Variants in OTP observed in about 807,000 individuals in gnomAD.
The protein encoded by OTP is orthopedia homeobox.
A neutral mutation model predicts 22.3 loss-of-function variants in OTP; 5 were observed. The ratio of observed to expected loss-of-function variants is 0.22; its 90% CI spans 0.12 to 0.47. OTP has a LOEUF of 0.47. Ranked by LOEUF, OTP falls within the 20% of genes least tolerant of loss-of-function variation. The probability of loss-of-function intolerance (pLI) is 0.99; values close to 1 mark genes in which losing one functional copy is unlikely to be tolerated. For synonymous variants in OTP, 229 were observed against 210.6 expected, an observed-to-expected ratio of 1.09 and a Z score of -0.76; for missense variants, 428 against 456.2, an observed-to-expected ratio of 0.94 and a Z score of 0.56.
chr5:77,638,555 A>AAC lies in OTP; in HGVS notation c.-7_-6insGT. ...AGGTCGGCATGAGACAGCATCGCGC[A>AAC]CCGCTCCAGGGCGAAAGCTGTTCCC... On this transcript the variant is annotated 5_prime_UTR_variant, in exon 1 of 3. Coordinates refer to ENST00000306422, the MANE Select transcript of OTP (RefSeq NM_032109.3). 2 of 1,567,098 alleles carry AAC rather than the reference A, an allele frequency of 1.3e-6. No homozygotes were observed. Among genetic ancestry groups the AAC allele is most frequent in the Non-Finnish European group, 1.7e-6 (2 of 1,160,604 alleles).
In OTP at chr5:77,638,503, G is replaced by A. The variant is rs1174393762; in HGVS notation, c.37+10C>T. ...TCTCCTGGCTGCCCGGGCGAGAGGC[G>A]CGCACTCACCTAGCCTGGCGTCCAG... On this transcript the variant is annotated intron_variant, in intron 1 of 2. Coordinates refer to ENST00000306422, the MANE Select transcript of OTP (RefSeq NM_032109.3). 1 of 1,572,542 alleles carries A rather than the reference G, an allele frequency of 6.4e-7. No individual in the cohort carries two copies. The highest frequency in any genetic ancestry group is 8.6e-7 in the Non-Finnish European group (1 of 1,158,486).
At chr5:77,636,665 T>C in intron 2 of OTP, 156 bp downstream of exon 2, 2 of 688,326 alleles carry the variant, frequency 2.9e-6, no homozygotes, top group Non-Finnish European at 2.4e-6. Flanking sequence ...TGGGGACCAG[T>C]TTCCGGGTAG....
intron 1 of OTP, among the ~76,000 whole-genome samples, chr5:77,638,127 T>C (rs1213740250): frequency 1.4e-5 from 2 of 144,750 alleles, no homozygotes; most frequent in Admixed American, 7.0e-5. Context: ...GAGAAGAAGA[T>C]GGTGGGGAGA....
chr5:77,631,555 T>C (rs960257455), intron 2 of OTP, among the ~76,000 whole-genome samples: 6 of 137,336 alleles, frequency 4.4e-5, no homozygotes, highest in Admixed American at 2.9e-4. Flanking sequence ...CCTATTCTTT[T>C]TTTTTTTTTT....
At chr5:77,632,665 AC>A in intron 2 of OTP, among the ~76,000 whole-genome samples, 1 of 151,966 alleles carries the variant, frequency 6.6e-6, no homozygotes. Flanking sequence ...TCGCCTTTCT[AC>A]CGTGCCTGCG....
At chr5:77,637,923 A>G (rs961837597) in intron 1 of OTP, among the ~76,000 whole-genome samples, 4 of 152,224 alleles carry the variant, frequency 2.6e-5, no homozygotes, top group Non-Finnish European at 4.4e-5. Context: ...TTTTCTTTCC[A>G]GAGAAATAAA....
At chr5:77,637,282 G>A (rs1334214654) in intron 1 of OTP, 52 bp from the exon 2 acceptor site, 3 of 1,454,060 alleles carry the variant, frequency 2.1e-6, no homozygotes, top group East Asian at 5.0e-5. Context: ...TGCCAGGAGG[G>A]GCTGTCTTCC....
chr5:77,637,982 G>C (rs577536917), intron 1 of OTP, among the ~76,000 whole-genome samples: 8 of 152,166 alleles, frequency 5.3e-5, no homozygotes, highest in East Asian at 1.9e-4. Context: ...TTGCAGAAGA[G>C]GGGGGGATGA....
In OTP at chr5:77,638,633, A is replaced by T; in HGVS notation, c.-84T>A. The T allele has an allele frequency of 7.6e-7, 1 of 1,308,640 alleles. No homozygotes were observed. Among genetic ancestry groups the T allele is most frequent in the South Asian group, 1.5e-5 (1 of 65,608 alleles). The allele number at this position is 1,308,640 out of a possible 1,614,324, so 81.1% of individuals were successfully genotyped here. On this transcript the variant is annotated 5_prime_UTR_variant, in exon 1 of 3. The change creates a premature stop within an existing upstream ORF in the 5' untranslated region. Coordinates refer to ENST00000306422, the MANE Select transcript of OTP (RefSeq NM_032109.3). ...TTAAAATAGATATAAGCTATAAGCT[A>T]TACGATATAGATATATATAGATCAC...
chr5:77,630,377 C>A lies in OTP; in HGVS notation c.865G>T (p.Gly289Cys). ...ASLPGPSNVS[G>C]SPQLCSSPDS... ...GGGGAGCTGCAGAGCTGGGGCGAACCGGAGACGTTGCTGGGGCCGGGGAGG... is the reference window on the plus strand; with the variant it reads ...GGGGAGCTGCAGAGCTGGGGCGAACAGGAGACGTTGCTGGGGCCGGGGAGG... Residue 289 changes from glycine to cysteine, a missense_variant, in exon 3 of 3, where the codon GGT becomes TGT. By Grantham distance (159) the Gly-to-Cys change is radical. This residue lies in a region of OTP where 236 missense variants were observed against 238.1 expected (regional missense o/e 0.99). Coordinates refer to ENST00000306422, the MANE Select transcript of OTP (RefSeq NM_032109.3). 1 of 1,578,078 alleles carries A rather than the reference C, an allele frequency of 6.3e-7. No individual in the cohort carries two copies. Among genetic ancestry groups the A allele is most frequent in the Non-Finnish European group, 8.6e-7 (1 of 1,165,784 alleles).
chr5:77,632,953 C>T (rs180986109), intron 2 of OTP, among the ~76,000 whole-genome samples: 21 of 152,264 alleles, frequency 1.4e-4, no homozygotes, highest in Admixed American at 8.5e-4. Flanking sequence ...GCAGCACCCA[C>T]CCAAGGCTGG....
Position 77,637,054 on chromosome 5 carries a change from A to T in OTP, c.214T>A (p.Ser72Thr). ...GGGTCTTTGGCGCTCACCGCCAGCG[A>T]GGCCGGAGTAGAGCCCACTGTGGTG... ...DITTVGSTPA[S>T]LAVSAKDPDK... The change falls in exon 2 of 3, where the codon TCG (serine) becomes ACG (threonine). Residue 72 changes from serine (S) to threonine (T), a missense_variant. Ser to Thr is a moderately conservative substitution (Grantham distance 58). This residue lies in a region of OTP where 176 missense variants were observed against 162.9 expected (regional missense o/e 1.08). Coordinates refer to ENST00000306422, the MANE Select transcript of OTP (RefSeq NM_032109.3). The T allele has an allele frequency of 6.2e-7, 1 of 1,613,092 alleles. No individual in the cohort carries two copies. The highest frequency in any genetic ancestry group is 8.5e-7 in the Non-Finnish European group (1 of 1,179,682).
intron 2 of OTP, among the ~76,000 whole-genome samples, chr5:77,633,652 G>T (rs1744962353): frequency 6.6e-6 from 1 of 152,086 alleles, no homozygotes; most frequent in African/African-American, 2.4e-5. Context: ...CCACTTTCAT[G>T]ATATCTGCTG....
Position 77,636,974 on chromosome 5 carries a change from C to T in OTP, c.294G>A (p.Gln98=). ...GGPNPSQAGQ[Q]QGQQKQKRHR... is the part of the protein sequence containing the mutation. Reference sequence around the variant, plus strand: ...GGCGCTTCTGCTTCTGTTGGCCCTGCTGCTGGCCGGCTTGGCTGGGGTTCG... The same window carrying T: ...GGCGCTTCTGCTTCTGTTGGCCCTGTTGCTGGCCGGCTTGGCTGGGGTTCG... Residue 98 remains glutamine, a synonymous_variant, in exon 2 of 3, where the codon CAG becomes CAA. Transcript: ENST00000306422. 3 of 1,614,062 alleles carry T rather than the reference C, an allele frequency of 1.9e-6. No homozygotes were observed. The highest frequency in any genetic ancestry group is 2.5e-6 in the Non-Finnish European group (3 of 1,179,980).
chr5:77,637,359 TC>T, intron 1 of OTP, 129 bp from the exon 2 acceptor site: 2 of 1,099,586 alleles, frequency 1.8e-6, no homozygotes, highest in Non-Finnish European at 2.5e-6. Context: ...AGGAAGAAAC[TC>T]CCAGGGTATT....
Position 77,637,166 on chromosome 5 carries a change from C to T in OTP, c.102G>A (p.Gly34=). The T allele has an allele frequency of 6.3e-7, 1 of 1,576,496 alleles. No individual in the cohort carries two copies. Among genetic ancestry groups the T allele is most frequent in the Non-Finnish European group, 8.6e-7 (1 of 1,161,424 alleles). ...CCGGATGGCCCCCGGGGTCGGAGCC[C>T]CCCACGCCCAGCCTACACTTCACCG... is the stretch of plus-strand genomic sequence containing the variant. ...REAVKCRLGV[G]GSDPGGHPGD... The change falls in exon 2 of 3, where the codon GGG becomes GGA. Residue 34 remains glycine (G), a synonymous_variant. Transcript: ENST00000306422.
Position 77,630,289 on chromosome 5 carries a change from T to A in OTP, c.953A>T (p.His318Leu). 1 of 1,559,454 alleles carries A rather than the reference T, an allele frequency of 6.4e-7. No homozygotes were observed. ...IASLRRKALE[H>L]TVSMSFT is the part of the protein sequence containing the mutation. ...TTAAGTGAAGCTCATAGAGACTGTG[T>A]GCTCTAGCGCCTTGCGGCGGAGGGA... Residue 318 changes from histidine (H) to leucine (L), a missense_variant, in exon 3 of 3, where the codon CAC becomes CTC. By Grantham distance (99) the His-to-Leu change is moderately conservative. Around this residue, in one of 3 missense-constraint regions of OTP, gnomAD observed 236 missense variants for 238.1 expected, o/e 0.99. Coordinates refer to ENST00000306422, the MANE Select transcript of OTP (RefSeq NM_032109.3).
At position 77,636,970 on chromosome 5, in the gene OTP, C is replaced by G. The variant is rs754903650; in HGVS notation, c.298G>C (p.Gly100Arg). The G allele has an allele frequency of 9.9e-6, 16 of 1,613,974 alleles. No individual in the cohort carries two copies. Among genetic ancestry groups the G allele is most frequent in the Non-Finnish European group, 1.4e-5 (16 of 1,179,992 alleles). The change falls in exon 2 of 3, where the codon GGC becomes CGC. Residue 100 changes from glycine (G) to arginine (R), a missense_variant. This residue lies in a region of OTP where 176 missense variants were observed against 162.9 expected (regional missense o/e 1.08). Coordinates refer to ENST00000306422, the MANE Select transcript of OTP (RefSeq NM_032109.3). ...PNPSQAGQQQ[G>R]QQKQKRHRTR... is the part of the protein sequence containing the mutation. The stretch of plus-strand genomic sequence containing the variant: ...CGGTGGCGCTTCTGCTTCTGTTGGC[C>G]CTGCTGCTGGCCGGCTTGGCTGGGG...
rs758976608 is a variant in OTP, at chr5:77,637,001, G to A, written c.267C>T (p.Gly89=). Reference sequence around the variant, plus strand: ...GCTGGCCGGCTTGGCTGGGGTTCGGGCCGCCCTGGGGCCCGGGCTGCTTGT... The same window carrying A: ...GCTGGCCGGCTTGGCTGGGGTTCGGACCGCCCTGGGGCCCGGGCTGCTTGT... ...DPDKQPGPQG[G]PNPSQAGQQQ... is the part of the protein sequence containing the mutation. The change falls in exon 2 of 3, where the codon GGC becomes GGT. Residue 89 remains glycine, a synonymous_variant. Coordinates refer to ENST00000306422, the MANE Select transcript of OTP (RefSeq NM_032109.3). The A allele has an allele frequency of 6.2e-7, 1 of 1,613,436 alleles. No homozygotes were observed.
Sources: allele counts gnomAD v4.1 joint callset (sites outside exome capture counted in the v4.1 genomes callset), GRCh38; gene constraint gnomAD v4.1.1; regional missense constraint gnomAD v4.1.1; transcripts MANE v1.5; gene names NCBI Gene and HGNC (gene_info 2026-07-23, HGNC 2026-07-21).